LUZP2: variants seen among roughly 807,000 people sequenced by gnomAD.
LUZP2 encodes the protein leucine zipper protein 2.
Under a neutral mutation model 51.6 loss-of-function variants are expected in LUZP2, and 52 were observed. The observed-to-expected ratio is 1.01, with a 90% CI of 0.81 to 1.27. The LOEUF (loss-of-function observed/expected upper bound fraction) is 1.27, where lower values mean the gene tolerates loss of function less well. Ranked by LOEUF, LUZP2 falls within the 50% of genes most tolerant of loss-of-function variation. The pLI is 0.00. For synonymous variants in LUZP2, 154 were observed against 137.3 expected, an observed-to-expected ratio of 1.12 and a Z score of -0.85; for missense variants, 436 against 395.4, an observed-to-expected ratio of 1.10 and a Z score of -0.87.
At chr11:24,608,144 C>T (rs1327510134) in intron 1 of LUZP2, among the ~76,000 whole-genome samples, 7 of 152,072 alleles carry the variant, frequency 4.6e-5, no homozygotes, top group African/African-American at 1.4e-4. Flanking sequence ...CCACTGCGCC[C>T]GGCATCTATT....
intron 5 of LUZP2, among the ~76,000 whole-genome samples, chr11:24,836,823 C>T (rs552879017): frequency 2.0e-5 from 3 of 151,674 alleles, no homozygotes; most frequent in Admixed American, 2.0e-4. Flanking sequence ...TATTGAGACA[C>T]ATGAAAAGTT....
At chr11:24,963,175 G>A (rs1364612555) in intron 7 of LUZP2, among the ~76,000 whole-genome samples, 1 of 152,172 alleles carries the variant, frequency 6.6e-6, no homozygotes, top group Non-Finnish European at 1.5e-5. Flanking sequence ...TGCCCCTACT[G>A]GGGGGTACCT....
intron 5 of LUZP2, among the ~76,000 whole-genome samples, chr11:24,775,915 C>T (rs927173293): frequency 6.6e-6 from 1 of 152,128 alleles, no homozygotes; most frequent in Non-Finnish European, 1.5e-5. Flanking sequence ...ACATTTAGTA[C>T]ATATTAAGCT....
chr11:25,012,354 C>T (rs970744313), intron 9 of LUZP2, among the ~76,000 whole-genome samples: 4 of 152,112 alleles, frequency 2.6e-5, no homozygotes, highest in African/African-American at 9.7e-5. Flanking sequence ...CCCAAACTCC[C>T]CACACTGTTT....
At chr11:24,879,938 G>A (rs1249220952) in intron 5 of LUZP2, among the ~76,000 whole-genome samples, 3 of 152,154 alleles carry the variant, frequency 2.0e-5, no homozygotes, top group African/African-American at 7.2e-5. Context: ...AATGGCACAA[G>A]CACTTTCACA....
chr11:24,858,080 G>A (rs1301824394), intron 5 of LUZP2, among the ~76,000 whole-genome samples: 2 of 152,050 alleles, frequency 1.3e-5, no homozygotes, highest in African/African-American at 2.4e-5. Flanking sequence ...GGCATCGAAT[G>A]ACTAGAATTG....
At chr11:25,029,125 G>A (rs1590854071) in intron 9 of LUZP2, among the ~76,000 whole-genome samples, 1 of 151,986 alleles carries the variant, frequency 6.6e-6, no homozygotes, top group African/African-American at 2.4e-5. Context: ...ATGGTTAATG[G>A]CTACAAAAAG....
chr11:24,627,822 T>G (rs189361689), intron 1 of LUZP2, among the ~76,000 whole-genome samples: 4 of 152,298 alleles, frequency 2.6e-5, no homozygotes, highest in Admixed American at 2.6e-4. Flanking sequence ...GTGTCTCTTG[T>G]CACTATTCAG....
rs1034211699 is a variant in LUZP2, at chr11:25,082,245, A to G, written c.*3587A>G. 5 of 152,610 alleles carry G rather than the reference A, an allele frequency of 3.3e-5. No individual in the cohort carries two copies. The highest frequency in any genetic ancestry group is 7.4e-5 in the Non-Finnish European group (5 of 68,016). The allele number at this position is 152,610 out of a possible 1,614,324, so 9.5% of individuals were successfully genotyped here. Reference sequence around the variant, plus strand: ...AGATCTGTTTCATCAAATATCCTCAATTACAAGTCTAAGACAGTTATATGT... The same window carrying G: ...AGATCTGTTTCATCAAATATCCTCAGTTACAAGTCTAAGACAGTTATATGT... On this transcript the variant is annotated 3_prime_UTR_variant, in exon 12 of 12. Coordinates refer to ENST00000336930, the MANE Select transcript of LUZP2 (RefSeq NM_001009909.4).
chr11:24,665,736 C>A (rs887091481), intron 1 of LUZP2, among the ~76,000 whole-genome samples: 5 of 152,140 alleles, frequency 3.3e-5, no homozygotes, highest in Non-Finnish European at 7.3e-5. Flanking sequence ...GACATGATTG[C>A]TTCGCCTTCT....
intron 1 of LUZP2, among the ~76,000 whole-genome samples, chr11:24,672,561 TA>T (rs1297584417): frequency 2.0e-5 from 3 of 152,174 alleles, no homozygotes; most frequent in Non-Finnish European, 4.4e-5. Flanking sequence ...AAAACCCCAC[TA>T]GATACCATTA....
intron 1 of LUZP2, among the ~76,000 whole-genome samples, chr11:24,649,743 T>C (rs965032930): frequency 7.2e-5 from 11 of 151,902 alleles, no homozygotes; most frequent in African/African-American, 2.7e-4. Context: ...AAGAGACCAT[T>C]TCTATCAGAG....
chr11:24,535,527 G>A (rs1175956683), intron 1 of LUZP2, among the ~76,000 whole-genome samples: 1 of 151,516 alleles, frequency 6.6e-6, no homozygotes, highest in East Asian at 1.9e-4. Context: ...TCCATCTCAA[G>A]AAATGACTTG....
chr11:24,963,432 C>T (rs1855479989), intron 7 of LUZP2, among the ~76,000 whole-genome samples: 1 of 152,206 alleles, frequency 6.6e-6, no homozygotes, highest in Non-Finnish European at 1.5e-5. Flanking sequence ...TTCGAGCTTC[C>T]CGGCTGCTTT....
At chr11:24,746,144 A>G (rs986355339) in intron 4 of LUZP2, among the ~76,000 whole-genome samples, 1 of 152,120 alleles carries the variant, frequency 6.6e-6, no homozygotes, top group Non-Finnish European at 1.5e-5. Context: ...TTTGTTTTAT[A>G]GGTCCTGTGT....
chr11:24,659,104 A>G (rs1290858952), intron 1 of LUZP2, among the ~76,000 whole-genome samples: 2 of 152,218 alleles, frequency 1.3e-5, no homozygotes, highest in Non-Finnish European at 2.9e-5. Context: ...TCATGCTGCT[A>G]TAAAGACACA....
At chr11:24,668,719 A>G (rs1410755153) in intron 1 of LUZP2, among the ~76,000 whole-genome samples, 3 of 152,168 alleles carry the variant, frequency 2.0e-5, no homozygotes, top group East Asian at 1.9e-4. Context: ...TGTCTGTTAC[A>G]CTGCACGTCT....
chr11:24,886,398 G>A (rs1852667358), intron 5 of LUZP2, among the ~76,000 whole-genome samples: 1 of 152,060 alleles, frequency 6.6e-6, no homozygotes, highest in Admixed American at 6.6e-5. Context: ...AATAATTGAA[G>A]CTCCTTCCAT....
At chr11:24,524,302 G>A (rs985295794) in intron 1 of LUZP2, among the ~76,000 whole-genome samples, 15 of 151,886 alleles carry the variant, frequency 9.9e-5, no homozygotes, top group African/African-American at 2.9e-4. Flanking sequence ...GTGGTAAAAT[G>A]TGACTAAGGT....
Sources: allele counts gnomAD v4.1 joint callset (sites outside exome capture counted in the v4.1 genomes callset), GRCh38; gene constraint gnomAD v4.1.1; transcripts MANE v1.5; gene names NCBI Gene and HGNC (gene_info 2026-07-23, HGNC 2026-07-21).